Variants in ANK3 observed in about 807,000 individuals in gnomAD.
ANK3 encodes ankyrin-3.
ANK3 carries 57 observed loss-of-function variants against 370.9 expected under a neutral mutation model. The observed-to-expected ratio is 0.15, with a 90% CI of 0.12 to 0.19. ANK3 has a LOEUF of 0.19. Ranked by LOEUF, ANK3 falls within the 10% of genes least tolerant of loss-of-function variation. The pLI is 1.00. For missense variants in ANK3, 4,439 were observed against 5,302.1 expected (o/e 0.84, Z 5.06); for synonymous variants, 1,929 against 1,946.3 (o/e 0.99, Z 0.23).
At chr10:60,316,551 T>C (rs1480464973) in intron 1 of ANK3, among the ~76,000 whole-genome samples, 2 of 152,146 alleles carry the variant, frequency 1.3e-5, no homozygotes, top group African/African-American at 4.8e-5. Flanking sequence ...AAATGTAATA[T>C]ATACAATGAG....
At chr10:60,704,582 A>G (rs1458062929) in intron 1 of ANK3, among the ~76,000 whole-genome samples, 1 of 152,240 alleles carries the variant, frequency 6.6e-6, no homozygotes, top group Non-Finnish European at 1.5e-5. Context: ...AGAAAAACCT[A>G]AAGAATTTTA....
chr10:60,385,119 G>A (rs1268396410), intron 1 of ANK3, among the ~76,000 whole-genome samples: 1 of 152,098 alleles, frequency 6.6e-6, no homozygotes, highest in African/African-American at 2.4e-5. Flanking sequence ...TTTGAGCAGG[G>A]TGATTTCCAA....
At chr10:60,245,993 C>T (rs2097545995) in intron 7 of ANK3, among the ~76,000 whole-genome samples, 1 of 152,088 alleles carries the variant, frequency 6.6e-6, no homozygotes, top group Non-Finnish European at 1.5e-5. Context: ...TGGTGGATGA[C>T]ACCTGTAATC....
intron 38 of ANK3, among the ~76,000 whole-genome samples, chr10:60,067,167 C>T (rs986481419): frequency 6.6e-6 from 1 of 152,150 alleles, no homozygotes; most frequent in African/African-American, 2.4e-5. Flanking sequence ...CTGCCTTGGC[C>T]TCCCCACAGT....
At chr10:60,695,114 C>G (rs1255749778) in intron 1 of ANK3, among the ~76,000 whole-genome samples, 3 of 151,508 alleles carry the variant, frequency 2.0e-5, no homozygotes, top group Non-Finnish European at 4.4e-5. Context: ...TCTGATAAAA[C>G]AGACTTTAAA....
At chr10:60,280,369 A>G (rs1444097973) in intron 1 of ANK3, among the ~76,000 whole-genome samples, 1 of 152,140 alleles carries the variant, frequency 6.6e-6, no homozygotes, top group African/African-American at 2.4e-5. Flanking sequence ...TATATGTTGT[A>G]CTTAATAGTC....
chr10:60,368,288 C>T (rs1035241480), intron 1 of ANK3, among the ~76,000 whole-genome samples: 3 of 152,014 alleles, frequency 2.0e-5, no homozygotes, highest in Non-Finnish European at 4.4e-5. Context: ...TGTCTGGCTA[C>T]CATGAGATCC....
intron 23 of ANK3, among the ~76,000 whole-genome samples, chr10:60,155,412 A>G (rs1248159880): frequency 6.6e-6 from 1 of 152,190 alleles, no homozygotes; most frequent in Non-Finnish European, 1.5e-5. Context: ...CCTCCACCCC[A>G]GCAAGAGGAA....
In ANK3 at chr10:60,473,966, CA is replaced by C. The variant is rs139841930; in HGVS notation, c.96+141219del. 7.1e-3 allele frequency among the ~76,000 whole-genome samples: 659 copies of C among 92,624 alleles called. 8 individuals are homozygous for C. Among genetic ancestry groups the C allele is most frequent in the African/African-American group, 0.022 (506 of 23,378 alleles). The allele number at this position is 92,624 out of a possible 152,430, so 60.8% of individuals were successfully genotyped here. ...GCAATAAAATGAGACCCTGTTTCTA[CA>C]AAAAAAAAAAAAAAAAAAAGCCAAG... On this transcript the variant is annotated intron_variant, in intron 2 of 43. Transcript: ENST00000373827.
At chr10:60,087,677 T>G (rs551421640) in intron 29 of ANK3, among the ~76,000 whole-genome samples, 37 of 152,318 alleles carry the variant, frequency 2.4e-4, no homozygotes, top group African/African-American at 8.7e-4. Context: ...CTAGCTGAAA[T>G]AAACACAAGA....
chr10:60,249,390 G>A lies in ANK3; in HGVS notation c.798+12469C>T, dbSNP rs145999107. On this transcript the variant is annotated intron_variant, in intron 7 of 43. Transcript: ENST00000280772. ...CATCAAAAATTCTTAAAAAAGTAAT[G>A]GGGATTTATATTACAAATTTTCTAT... Among the ~76,000 whole-genome samples, 46 of 152,204 alleles carry A rather than the reference G, an allele frequency of 3.0e-4. No homozygotes were observed. In the East Asian group the frequency reaches 6.4e-3, roughly 21 times the overall value.
chr10:60,218,097 C>CTTTTTTTTTTTTTT (rs199989242), intron 8 of ANK3, among the ~76,000 whole-genome samples: 13 of 126,150 alleles, frequency 1.0e-4, no homozygotes, highest in African/African-American at 4.1e-4. Context: ...CTTTTTCTTT[C>CTTTTTTTTTTTTTT]TTTTTTTTTT....
intron 1 of ANK3, among the ~76,000 whole-genome samples, chr10:60,311,942 T>C (rs1319934081): frequency 6.6e-6 from 1 of 152,230 alleles, no homozygotes; most frequent in African/African-American, 2.4e-5. Flanking sequence ...TGTTTCCTAC[T>C]TGCCTCCAGC....
chr10:60,597,467 C>G (rs1387794035), intron 2 of ANK3, among the ~76,000 whole-genome samples: 1 of 152,214 alleles, frequency 6.6e-6, no homozygotes, highest in East Asian at 1.9e-4. Flanking sequence ...AGCAGCCTCT[C>G]TGTTCAGGGT....
At chr10:60,507,862 T>C (rs2075981017) in intron 2 of ANK3, 2 of 152,120 alleles carry the variant, frequency 1.3e-5, no homozygotes, top group East Asian at 3.8e-4. Flanking sequence ...CAATAGTAAG[T>C]TGAATAGGAA....
intron 4 of ANK3, among the ~76,000 whole-genome samples, chr10:60,274,870 T>C (rs1433046168): frequency 6.6e-6 from 1 of 152,190 alleles, no homozygotes; most frequent in African/African-American, 2.4e-5. Context: ...AACACATACA[T>C]AACCATTTAG....
At chr10:60,207,252 C>T (rs775271039) in intron 10 of ANK3, among the ~76,000 whole-genome samples, 8 of 152,126 alleles carry the variant, frequency 5.3e-5, no homozygotes, top group Non-Finnish European at 1.2e-4. Flanking sequence ...AGAGGTGGTA[C>T]GGATCTATCC....
At chr10:60,094,805 T>C (rs16914752) in intron 28 of ANK3, among the ~76,000 whole-genome samples, 16,552 of 152,150 alleles carry the variant, frequency 0.11, 1,161 homozygotes, top group African/African-American at 0.2. Context: ...TGAAAACTTA[T>C]TACCTGACCA....
At chr10:60,659,786 T>G (rs1354969819) in intron 1 of ANK3, among the ~76,000 whole-genome samples, 1 of 152,130 alleles carries the variant, frequency 6.6e-6, no homozygotes, top group East Asian at 1.9e-4. Flanking sequence ...GGCTGCCTTC[T>G]ACACAAAGGC....
Sources: allele counts gnomAD v4.1 joint callset (sites outside exome capture counted in the v4.1 genomes callset), GRCh38; gene constraint gnomAD v4.1.1; transcripts MANE v1.5; gene names NCBI Gene and HGNC (gene_info 2026-07-23, HGNC 2026-07-21).